The following KATNIP variants were observed in gnomAD, a reference collection of about 807,000 sequenced individuals.
The protein encoded by KATNIP is katanin interacting protein.
Under a neutral mutation model 174.0 loss-of-function variants are expected in KATNIP, and 126 were observed. The observed-to-expected ratio is 0.72, with a 90% CI of 0.63 to 0.84. KATNIP has a LOEUF of 0.84. KATNIP is among the 40% of genes least tolerant of loss of function. The probability of loss-of-function intolerance (pLI) is 0.00; values close to 1 mark genes in which losing one functional copy is unlikely to be tolerated. For missense variants in KATNIP, 1,958 were observed against 2,109.7 expected (o/e 0.93, Z 1.41); for synonymous variants, 810 against 835.7 (o/e 0.97, Z 0.53).
At chr16:27,711,979 C>T (rs894430596) in intron 13 of KATNIP, among the ~76,000 whole-genome samples, 6 of 152,118 alleles carry the variant, frequency 3.9e-5, no homozygotes, top group Non-Finnish European at 7.4e-5. Context: ...GCCCAGCCTT[C>T]GCCACCCCTC....
chr16:27,771,119 G>A (rs905385471), intron 21 of KATNIP, among the ~76,000 whole-genome samples: 4 of 152,160 alleles, frequency 2.6e-5, no homozygotes, highest in Non-Finnish European at 5.9e-5. Context: ...ACCCCGTCCT[G>A]GCTGTCGGCA....
intron 1 of KATNIP, among the ~76,000 whole-genome samples, chr16:27,566,427 T>C (rs1358137587): frequency 1.3e-5 from 2 of 151,996 alleles, no homozygotes; most frequent in Non-Finnish European, 2.9e-5. Flanking sequence ...TCCCAGCTAC[T>C]TGGGAGACTG....
At chr16:27,720,034 T>C (rs936665078) in intron 13 of KATNIP, among the ~76,000 whole-genome samples, 3 of 152,214 alleles carry the variant, frequency 2.0e-5, no homozygotes, top group Non-Finnish European at 4.4e-5. Flanking sequence ...GTTGTTGTTG[T>C]TGTTTACACT....
chr16:27,713,820 A>ATGTGTGTGTATATG lies in KATNIP; in HGVS notation c.1605+4901_1605+4902insGTGTGTGTATATGT, dbSNP rs1567336934. On this transcript the variant is annotated intron_variant, in intron 13 of 27. Coordinates refer to ENST00000261588, the MANE Select transcript of KATNIP (RefSeq NM_015202.5). ...TGTGTGTGTATATACATATATATAT[A>ATGTGTGTGTATATG]TATATATATATATATATATATATAT... 4.8e-4 allele frequency among the ~76,000 whole-genome samples: 18 copies of ATGTGTGTGTATATG among 37,742 alleles called. 1 individual carries two copies. Among genetic ancestry groups the ATGTGTGTGTATATG allele is most frequent in the Admixed American group, 9.1e-4 (3 of 3,308 alleles). 24.8% of individuals were successfully genotyped at this position (37,742 alleles called of 152,430 possible). A position where few individuals can be genotyped will look rare whatever the true frequency, so the allele number is the denominator to read the frequency against.
intron 2 of KATNIP, among the ~76,000 whole-genome samples, chr16:27,600,790 C>T (rs893918651): frequency 7.3e-5 from 11 of 151,130 alleles, no homozygotes; most frequent in South Asian, 4.2e-4. Flanking sequence ...AGTGCAGTGG[C>T]GCAATCTCGG....
chr16:27,713,107 C>T (rs934559073), intron 13 of KATNIP, among the ~76,000 whole-genome samples: 11 of 152,118 alleles, frequency 7.2e-5, no homozygotes, highest in African/African-American at 2.7e-4. Flanking sequence ...CATACCCAGC[C>T]CATTTCAGAC....
chr16:27,756,683 C>G (rs548928097), intron 18 of KATNIP, among the ~76,000 whole-genome samples: 1 of 152,254 alleles, frequency 6.6e-6, no homozygotes, highest in East Asian at 1.9e-4. Flanking sequence ...TGGTTCTCCC[C>G]TAAGTTGGTC....
chr16:27,741,833 T>C lies in KATNIP; in HGVS notation c.2623+913T>C, dbSNP rs577615483. Among the ~76,000 whole-genome samples, 7 of 151,988 alleles carry C rather than the reference T, an allele frequency of 4.6e-5. No homozygotes were observed. In the East Asian group the frequency reaches 1.2e-3, roughly 25 times the overall value. On this transcript the variant is annotated intron_variant, in intron 15 of 27. Transcript: ENST00000261588. ...AGGAGGATCACTTGAACCTAGGAGG[T>C]GGAGGCTACAGTGATCCGAAATTGT...
At chr16:27,638,936 G>A (rs1259020893) in intron 5 of KATNIP, among the ~76,000 whole-genome samples, 1 of 147,216 alleles carries the variant, frequency 6.8e-6, no homozygotes, top group Non-Finnish European at 1.5e-5. Context: ...GCCTCCTAAA[G>A]TGCTGGGATT....
At chr16:27,745,257 C>A (rs576411343) in intron 15 of KATNIP, among the ~76,000 whole-genome samples, 4 of 152,276 alleles carry the variant, frequency 2.6e-5, no homozygotes, top group African/African-American at 9.6e-5. Context: ...CACAGGGGAC[C>A]GGAAGGAAGA....
At chr16:27,651,022 A>G (rs1320878666) in intron 6 of KATNIP, among the ~76,000 whole-genome samples, 3 of 152,212 alleles carry the variant, frequency 2.0e-5, no homozygotes, top group Non-Finnish European at 4.4e-5. Context: ...CAAGCATAAT[A>G]TGTTACAGTC....
At chr16:27,698,593 G>A (rs1266690891) in intron 9 of KATNIP, 93 bp downstream of exon 9, 9 of 1,303,572 alleles carry the variant, frequency 6.9e-6, no homozygotes, top group Admixed American at 2.5e-5. Context: ...GCAGAAGAGA[G>A]AGGTGTAGTG....
In KATNIP at chr16:27,571,761, C is replaced by T. The variant is rs545081903; in HGVS notation, c.8-2140C>T. On this transcript the variant is annotated intron_variant, in intron 1 of 27. Transcript: ENST00000261588. ...CCAACCCGCTTTGTGCCTAGCAGCT[C>T]AGGGACAGTCCCTTCGCTCTGCATG... 1.8e-4 allele frequency among the ~76,000 whole-genome samples: 27 copies of T among 152,358 alleles called. 2 individuals are homozygous for T. In the South Asian group the frequency reaches 5.6e-3, roughly 32 times the overall value.
intron 8 of KATNIP, among the ~76,000 whole-genome samples, chr16:27,697,861 C>T (rs1462954464): frequency 6.6e-6 from 1 of 151,922 alleles, no homozygotes; most frequent in East Asian, 1.9e-4. Context: ...GACGTCATTC[C>T]CCTTTACTCC....
chr16:27,753,566 T>C lies in KATNIP; in HGVS notation c.3553-607T>C, dbSNP rs76345697. Among the ~76,000 whole-genome samples, 804 of 152,328 alleles carry C rather than the reference T, an allele frequency of 5.3e-3. 1 individual carries two copies. Among genetic ancestry groups the C allele is most frequent in the Non-Finnish European group, 7.9e-3 (539 of 68,018 alleles). On this transcript the variant is annotated intron_variant, in intron 17 of 27. Coordinates refer to ENST00000261588, the MANE Select transcript of KATNIP (RefSeq NM_015202.5). ...GTGTGGTGGCCCACCGTTGACTCTC[T>C]GAAGACCAGGATTTTTTATCCTGGC...
chr16:27,739,961 T>G, intron 14 of KATNIP, 80 bp from the exon 15 acceptor site: 1 of 1,434,054 alleles, frequency 7.0e-7, no homozygotes, highest in Non-Finnish European at 9.5e-7. Flanking sequence ...CTTTTCTTTT[T>G]TTGGTATCTT....
chr16:27,764,266 C>T (rs1417053194), intron 19 of KATNIP, among the ~76,000 whole-genome samples: 1 of 152,200 alleles, frequency 6.6e-6, no homozygotes, highest in East Asian at 1.9e-4. Flanking sequence ...ATAACTGTTT[C>T]TCTAGCATCG....
At chr16:27,769,579 C>T (rs1413738254) in intron 20 of KATNIP, among the ~76,000 whole-genome samples, 5 of 152,212 alleles carry the variant, frequency 3.3e-5, no homozygotes, top group African/African-American at 7.2e-5. Context: ...CGCCCCAGGC[C>T]GCTGCAGCTG....
chr16:27,610,057 T>TG (rs1451910535), intron 2 of KATNIP, among the ~76,000 whole-genome samples: 1 of 151,830 alleles, frequency 6.6e-6, no homozygotes, highest in Admixed American at 6.6e-5. Flanking sequence ...GGCTCAGAGA[T>TG]GGGGGTCAAG....
Sources: gnomAD v4.1 joint callset for allele counts (sites outside exome capture counted in the v4.1 genomes callset) on GRCh38, gnomAD v4.1.1 for gene constraint, MANE v1.5 for transcripts, NCBI Gene and HGNC (gene_info 2026-07-23, HGNC 2026-07-21) for gene names.